The following RABEP1 variants were observed in gnomAD, a reference collection of about 807,000 sequenced individuals.
RABEP1 encodes rabaptin, RAB GTPase binding effector protein 1, also known as rab GTPase-binding effector protein 1.
A neutral mutation model predicts 123.4 loss-of-function variants in RABEP1; 51 were observed. The observed-to-expected ratio is 0.41, with a 90% CI of 0.33 to 0.52. The LOEUF (loss-of-function observed/expected upper bound fraction) is 0.52, where lower values mean the gene tolerates loss of function less well. Among genes scored for constraint, RABEP1 ranks in the 20% least tolerant of loss-of-function variants. The pLI is 0.16. For synonymous variants in RABEP1, 347 were observed against 355.2 expected (o/e 0.98, Z 0.26); for missense variants, 888 against 996.3 (o/e 0.89, Z 1.46).
At chr17:5,324,259 T>C (rs1905741222) in intron 2 of RABEP1, among the ~76,000 whole-genome samples, 3 of 152,078 alleles carry the variant, frequency 2.0e-5, no homozygotes, top group South Asian at 2.1e-4. Context: ...TGGAACAGAA[T>C]AGAGTACCCA....
chr17:5,330,101 G>A (rs969391002), intron 2 of RABEP1, among the ~76,000 whole-genome samples: 12 of 152,034 alleles, frequency 7.9e-5, no homozygotes, highest in African/African-American at 2.7e-4. Context: ...CAGAAATAAT[G>A]CTTTTTCTTT....
In RABEP1 at chr17:5,299,730, T is replaced by C. The variant is rs1423351949; in HGVS notation, c.35-8964T>C. 2.3e-3 allele frequency among the ~76,000 whole-genome samples: 268 copies of C among 118,742 alleles called. 7 individuals are homozygous for C. Among genetic ancestry groups the C allele is most frequent in the Non-Finnish European group, 3.3e-3 (198 of 59,694 alleles). The allele number at this position is 118,742 out of a possible 152,430, so 77.9% of individuals were successfully genotyped here. On this transcript the variant is annotated intron_variant, in intron 1 of 17. Coordinates refer to ENST00000537505, the MANE Select transcript of RABEP1 (RefSeq NM_004703.6). Reference sequence around the variant, plus strand: ...TCTTTTTTTCTTTTCTTTTTCTTTTTCTTTTTTTTTTTTTTTTGGAGGCAG... The same window carrying C: ...TCTTTTTTTCTTTTCTTTTTCTTTTCCTTTTTTTTTTTTTTTTGGAGGCAG...
chr17:5,295,386 C>T (rs1279351354), intron 1 of RABEP1, among the ~76,000 whole-genome samples: 1 of 123,926 alleles, frequency 8.1e-6, no homozygotes, highest in Non-Finnish European at 1.7e-5. Flanking sequence ...AAGATTCCGT[C>T]TCAAAAAAAA....
At chr17:5,359,696 TAG>T (rs558026577) in intron 8 of RABEP1, among the ~76,000 whole-genome samples, 126 of 152,220 alleles carry the variant, frequency 8.3e-4, no homozygotes, top group Admixed American at 1.9e-3. Context: ...TTAAAAAAAA[TAG>T]GTTACATGAG....
At chr17:5,336,240 A>G (rs968675210) in intron 4 of RABEP1, among the ~76,000 whole-genome samples, 3 of 152,114 alleles carry the variant, frequency 2.0e-5, no homozygotes, top group Non-Finnish European at 4.4e-5. Flanking sequence ...CTTCAAATGC[A>G]TGTATATTCA....
At chr17:5,345,346 G>A (rs954397085) in intron 5 of RABEP1, among the ~76,000 whole-genome samples, 1 of 152,094 alleles carries the variant, frequency 6.6e-6, no homozygotes, top group African/African-American at 2.4e-5. Flanking sequence ...CCCTCTCCTT[G>A]TCACCTGGCT....
At position 5,360,873 on chromosome 17, in the gene RABEP1, T is replaced by A. The variant is rs1365191613; in HGVS notation, c.1096-335T>A. On this transcript the variant is annotated intron_variant, in intron 8 of 17. Transcript: ENST00000537505. ...GGTGACGTTCCTCAACTGTTCGTATTTGGGAGCTCTTTGAGCTACCAGAGC... is the reference window on the plus strand; with the variant it reads ...GGTGACGTTCCTCAACTGTTCGTATATGGGAGCTCTTTGAGCTACCAGAGC... 3 of 269,716 alleles carry A rather than the reference T, an allele frequency of 1.1e-5. No homozygotes were observed. The East Asian group carries it at 2.6e-4, about 23-fold the overall frequency. 16.7% of individuals were successfully genotyped at this position (269,716 alleles called of 1,614,324 possible). A position where few individuals can be genotyped will look rare whatever the true frequency, so the allele number is the denominator to read the frequency against.
chr17:5,282,357 G>C lies in RABEP1; in HGVS notation c.-130G>C, dbSNP rs1258511678. On this transcript the variant is annotated 5_prime_UTR_variant, in exon 1 of 18. Transcript: ENST00000537505. ...GGCTGTGGCGGCGCCGGCGGATCCA[G>C]CCTTAGCGGTTTCTCTCTGGGCGGC... 14 of 724,310 alleles carry C rather than the reference G, an allele frequency of 1.9e-5. No individual in the cohort carries two copies. The highest frequency in any genetic ancestry group is 2.5e-5 in the Non-Finnish European group (13 of 509,822). 44.9% of individuals were successfully genotyped at this position (724,310 alleles called of 1,614,324 possible). A position where few individuals can be genotyped will look rare whatever the true frequency, so the allele number is the denominator to read the frequency against.
At chr17:5,382,988 A>T in intron 17 of RABEP1, 134 bp from the exon 18 acceptor site, 1 of 676,840 alleles carries the variant, frequency 1.5e-6, no homozygotes, top group Non-Finnish European at 2.5e-6. Context: ...TAAAATTTTT[A>T]ATTGTTCTTG....
intron 2 of RABEP1, among the ~76,000 whole-genome samples, chr17:5,311,659 G>C (rs2075241985): frequency 1.6e-5 from 2 of 124,900 alleles, no homozygotes. Context: ...TTGTGCCACT[G>C]CACTCCATCC....
rs1405160346 is a variant in RABEP1, at chr17:5,299,743, TTTTTG to T, written c.35-8950_35-8946del. ...TCTTTTTCTTTTTCTTTTTTTTTTTTTTTTGGAGGCAGAGTCTCTCCTTGTCGCCA... is the reference window on the plus strand; with the variant it reads ...TCTTTTTCTTTTTCTTTTTTTTTTTTGAGGCAGAGTCTCTCCTTGTCGCCA... On this transcript the variant is annotated intron_variant, in intron 1 of 17. Transcript: ENST00000537505. 3.1e-3 allele frequency among the ~76,000 whole-genome samples: 416 copies of T among 133,330 alleles called. 33 individuals carry two copies. Among genetic ancestry groups the T allele is most frequent in the African/African-American group, 0.011 (366 of 34,422 alleles). The allele number at this position is 133,330 out of a possible 152,430, so 87.5% of individuals were successfully genotyped here.
chr17:5,351,544 C>T (rs1908552838), intron 7 of RABEP1, among the ~76,000 whole-genome samples: 7 of 152,038 alleles, frequency 4.6e-5, no homozygotes, highest in Admixed American at 4.6e-4. Context: ...GTCTGTAATC[C>T]CAACACTTTG....
Position 5,300,079 on chromosome 17 carries a change from TGA to T in RABEP1, c.35-8613_35-8612del, listed in dbSNP as rs973785930. Among the ~76,000 whole-genome samples the T allele has an allele frequency of 4.8e-4, 73 of 152,086 alleles. 1 individual carries two copies. The highest frequency in any genetic ancestry group is 1.5e-4 in the Non-Finnish European group (10 of 68,022). The stretch of plus-strand genomic sequence containing the variant: ...TCTCTGATTGGACTCCAGGCAAAAC[TGA>T]GGGTTATATTAGGAGATATGACTGG... On this transcript the variant is annotated intron_variant, in intron 1 of 17. Coordinates refer to ENST00000537505, the MANE Select transcript of RABEP1 (RefSeq NM_004703.6).
chr17:5,336,098 A>G (rs1401266072), intron 4 of RABEP1, among the ~76,000 whole-genome samples: 1 of 152,246 alleles, frequency 6.6e-6, no homozygotes, highest in African/African-American at 2.4e-5. Flanking sequence ...CTTTTTAGCT[A>G]GTTTAAATAA....
At chr17:5,296,210 T>G (rs1483599735) in intron 1 of RABEP1, among the ~76,000 whole-genome samples, 6 of 152,204 alleles carry the variant, frequency 3.9e-5, no homozygotes, top group Non-Finnish European at 8.8e-5. Context: ...ATTATATTCA[T>G]AAGTGAGATT....
intron 16 of RABEP1, among the ~76,000 whole-genome samples, chr17:5,380,743 G>C (rs1911385672): frequency 6.6e-6 from 1 of 152,252 alleles, no homozygotes; most frequent in African/African-American, 2.4e-5. Flanking sequence ...TAGAAGCACT[G>C]CTTTGAAAAT....
intron 15 of RABEP1, 67 bp from the exon 16 acceptor site, chr17:5,380,295 GCT>G: frequency 9.6e-7 from 1 of 1,038,552 alleles, no homozygotes; most frequent in Non-Finnish European, 1.4e-6. Flanking sequence ...CAGGCTCTAG[GCT>G]CTTTTAGGTA....
intron 2 of RABEP1, among the ~76,000 whole-genome samples, chr17:5,329,818 C>CATATATATATATATATATAT (rs61446536): frequency 2.7e-4 from 39 of 143,094 alleles, no homozygotes; most frequent in African/African-American, 9.2e-4. Context: ...TATATATGTT[C>CATATATATATATATATATAT]ATATATATAT....
At position 5,386,289 on chromosome 17, in the gene RABEP1, C is replaced by T. The variant is rs763043603; in HGVS notation, c.*3066C>T. On this transcript the variant is annotated 3_prime_UTR_variant, in exon 18 of 18. Coordinates refer to ENST00000537505, the MANE Select transcript of RABEP1 (RefSeq NM_004703.6). Reference sequence around the variant, plus strand: ...TCACCCCTGTAAAATTGTAAAGTCACTCACTTTTGGAATTATAATAAACCA... The same window carrying T: ...TCACCCCTGTAAAATTGTAAAGTCATTCACTTTTGGAATTATAATAAACCA... 5.7e-6 allele frequency: 9 copies of T among 1,572,922 alleles called. No homozygotes were observed. The East Asian group carries it at 2.0e-4, about 35-fold the overall frequency.
Sources: allele counts gnomAD v4.1 joint callset (sites outside exome capture counted in the v4.1 genomes callset), GRCh38; gene constraint gnomAD v4.1.1; transcripts MANE v1.5; gene names NCBI Gene and HGNC (gene_info 2026-07-23, HGNC 2026-07-21).